Variants in MSH4 observed in about 807,000 individuals in gnomAD.
MSH4 encodes mutS homolog 4.
MSH4 carries 106 observed loss-of-function variants against 113.7 expected under a neutral mutation model. That is an observed-to-expected ratio of 0.93 (90% CI 0.80 to 1.10). The LOEUF is 1.10. Among genes scored for constraint, MSH4 ranks in the 50% least tolerant of loss-of-function variants. The probability of loss-of-function intolerance (pLI) is 0.00; values close to 1 mark genes in which losing one functional copy is unlikely to be tolerated. For missense variants in MSH4, 1,061 were observed against 1,093.7 expected, an observed-to-expected ratio of 0.97 and a Z score of 0.42; for synonymous variants, 368 against 380.2, an observed-to-expected ratio of 0.97 and a Z score of 0.37.
intron 9 of MSH4, among the ~76,000 whole-genome samples, chr1:75,875,498 A>AAAAAAAT (rs1651800257): frequency 6.6e-6 from 1 of 152,238 alleles, no homozygotes; most frequent in African/African-American, 2.4e-5. Context: ...TTTCTATGAC[A>AAAAAAAT]AAAACCATTA....
rs1176439392 is a variant in MSH4, at chr1:75,878,276, A to G, written c.1498A>G (p.Ile500Val). The G allele has an allele frequency of 6.2e-7, 1 of 1,604,376 alleles. No homozygotes were observed. Among genetic ancestry groups the G allele is most frequent in the Admixed American group, 1.8e-5 (1 of 56,866 alleles). ...VRSNINEFLD[I>V]ARRTYTEIVD... is the part of the protein sequence containing the mutation. ...GTCTAACATAAATGAATTTCTTGAC[A>G]TAGCAAGAAGAACATACACAGAGAT... The change falls in exon 11 of 20, where the codon ATA becomes GTA. Residue 500 changes from isoleucine to valine, a missense_variant. Transcript: ENST00000263187.
chr1:75,913,003 T>A lies in MSH4; in HGVS notation c.*116T>A. ...TTCATATTTTAATTGAAAATTACATTATATTAACATCACAATTGTCATCTA... is the reference window on the plus strand; with the variant it reads ...TTCATATTTTAATTGAAAATTACATAATATTAACATCACAATTGTCATCTA... On this transcript the variant is annotated 3_prime_UTR_variant, in exon 20 of 20. Transcript: ENST00000263187. 1.9e-6 allele frequency: 1 copy of A among 515,962 alleles called. No homozygotes were observed. The highest frequency in any genetic ancestry group is 3.2e-6 in the Non-Finnish European group (1 of 316,372). 32.0% of individuals were successfully genotyped at this position (515,962 alleles called of 1,614,324 possible). A position where few individuals can be genotyped will look rare whatever the true frequency, so the allele number is the denominator to read the frequency against.
At chr1:75,879,464 A>C (rs1351596251) in intron 12 of MSH4, among the ~76,000 whole-genome samples, 1 of 152,190 alleles carries the variant, frequency 6.6e-6, no homozygotes, top group Non-Finnish European at 1.5e-5. Context: ...GAAGTAAATA[A>C]ATCTACTTAA....
intron 19 of MSH4, among the ~76,000 whole-genome samples, chr1:75,903,865 C>T (rs913034743): frequency 6.6e-6 from 1 of 151,978 alleles, no homozygotes; most frequent in Non-Finnish European, 1.5e-5. Context: ...GTTTCTTTCT[C>T]TTGCTTAATT....
Position 75,913,000 on chromosome 1 carries a change from C to A in MSH4, c.*113C>A. On this transcript the variant is annotated 3_prime_UTR_variant, in exon 20 of 20. Coordinates refer to ENST00000263187, the MANE Select transcript of MSH4 (RefSeq NM_002440.4). ...AATTTCATATTTTAATTGAAAATTA[C>A]ATTATATTAACATCACAATTGTCAT... 1 of 544,526 alleles carries A rather than the reference C, an allele frequency of 1.8e-6. No homozygotes were observed. Among genetic ancestry groups the A allele is most frequent in the South Asian group, 4.8e-5 (1 of 21,052 alleles). 33.7% of individuals were successfully genotyped at this position (544,526 alleles called of 1,614,324 possible).
intron 1 of MSH4, among the ~76,000 whole-genome samples, chr1:75,799,610 A>C (rs906735565): frequency 8.5e-5 from 13 of 152,226 alleles, no homozygotes; most frequent in Non-Finnish European, 4.4e-5. Context: ...TCTTGAGAAA[A>C]ACACGTGCAA....
chr1:75,862,357 C>G (rs1651476034), intron 8 of MSH4, among the ~76,000 whole-genome samples: 2 of 152,220 alleles, frequency 1.3e-5, no homozygotes, highest in Non-Finnish European at 2.9e-5. Flanking sequence ...AATCACCCAT[C>G]TTCTGCGTCA....
chr1:75,896,739 T>C (rs886651065), intron 17 of MSH4, among the ~76,000 whole-genome samples: 1 of 152,188 alleles, frequency 6.6e-6, no homozygotes, highest in Admixed American at 6.6e-5. Flanking sequence ...AGATAGGGTC[T>C]GAATAATTAT....
intron 8 of MSH4, among the ~76,000 whole-genome samples, chr1:75,864,390 T>C (rs2100558790): frequency 6.6e-6 from 1 of 152,314 alleles, no homozygotes; most frequent in Middle Eastern, 3.4e-3. Flanking sequence ...AGGAGTGGAA[T>C]TGCTGGGTCA....
Position 75,883,815 on chromosome 1 carries a change from C to A in MSH4, c.2101C>A (p.Gln701Lys). 6.2e-7 allele frequency: 1 copy of A among 1,611,090 alleles called. No homozygotes were observed. Among genetic ancestry groups the A allele is most frequent in the South Asian group, 1.1e-5 (1 of 90,424 alleles). ...GATTGCTCTTTGTCAGATTATGGCC[C>A]AGATTGGTAAGTTATGGCTTTATTT... ...KQIALCQIMA[Q>K]IGSYVPAEYS... Residue 701 changes from glutamine (Q) to lysine (K), a missense_variant, in exon 15 of 20, where the codon CAG (glutamine) becomes AAG (lysine). Coordinates refer to ENST00000263187, the MANE Select transcript of MSH4 (RefSeq NM_002440.4).
At position 75,889,330 on chromosome 1, in the gene MSH4, C is replaced by G; in HGVS notation, c.2187C>G (p.Ile729Met). The G allele has an allele frequency of 6.6e-7, 1 of 1,518,934 alleles. No individual in the cohort carries two copies. Among genetic ancestry groups the G allele is most frequent in the Non-Finnish European group, 9.0e-7 (1 of 1,114,812 alleles). The allele number at this position is 1,518,934 out of a possible 1,614,324, so 94.1% of individuals were successfully genotyped here. The change falls in exon 16 of 20, where the codon ATC becomes ATG. Residue 729 changes from isoleucine to methionine, a missense_variant. Physicochemically the swap from Ile to Met is conservative, Grantham distance 10. Coordinates refer to ENST00000263187, the MANE Select transcript of MSH4 (RefSeq NM_002440.4). ...CAAGAATTAGTACTGATGATGATAT[C>G]GAAACAAATTCATCAACATTTATGA... is the stretch of plus-strand genomic sequence containing the variant. ...IFTRISTDDD[I>M]ETNSSTFMKE...
At chr1:75,850,846 T>C (rs1483928371) in intron 8 of MSH4, among the ~76,000 whole-genome samples, 2 of 152,198 alleles carry the variant, frequency 1.3e-5, no homozygotes, top group Non-Finnish European at 2.9e-5. Context: ...TTTTATCTAA[T>C]GTATTTGGAA....
intron 6 of MSH4, among the ~76,000 whole-genome samples, chr1:75,821,077 T>A (rs1357550538): frequency 1.3e-5 from 2 of 151,658 alleles, no homozygotes; most frequent in Admixed American, 6.6e-5. Context: ...TACAGAACTC[T>A]CCACCCCAAA....
At chr1:75,841,476 G>A (rs1650958878) in intron 7 of MSH4, among the ~76,000 whole-genome samples, 1 of 152,104 alleles carries the variant, frequency 6.6e-6, no homozygotes, top group Non-Finnish European at 1.5e-5. Flanking sequence ...GGGATTGCAG[G>A]CACAAGTCAC....
intron 19 of MSH4, among the ~76,000 whole-genome samples, chr1:75,910,911 AATCT>A (rs1652774325): frequency 1.3e-5 from 2 of 151,952 alleles, no homozygotes; most frequent in South Asian, 4.2e-4. Context: ...TCTCTCTCTC[AATCT>A]ATTTATATAC....
intron 9 of MSH4, among the ~76,000 whole-genome samples, chr1:75,874,232 GTC>G (rs1380947004): frequency 6.6e-6 from 1 of 152,106 alleles, no homozygotes; most frequent in East Asian, 1.9e-4. Context: ...TTAGAAAAGT[GTC>G]TGTTTTGCTT....
At chr1:75,895,280 C>T (rs1340694097) in intron 17 of MSH4, among the ~76,000 whole-genome samples, 2 of 152,108 alleles carry the variant, frequency 1.3e-5, no homozygotes, top group South Asian at 2.1e-4. Context: ...AATATGTCTG[C>T]AATACAGAAG....
chr1:75,881,771 TA>T (rs904176620), intron 14 of MSH4, among the ~76,000 whole-genome samples: 1 of 152,066 alleles, frequency 6.6e-6, no homozygotes, highest in African/African-American at 2.4e-5. Flanking sequence ...ACTAGCTCTT[TA>T]GATGTGAACA....
chr1:75,796,939 G>T lies in MSH4; in HGVS notation c.-47G>T. The stretch of plus-strand genomic sequence containing the variant: ...CTTCTGTAGTTGGGCTACTGGAGGG[G>T]TCGCTCAGAAACCTCATACTTCTCG... On this transcript the variant is annotated 5_prime_UTR_variant, in exon 1 of 20. Coordinates refer to ENST00000263187, the MANE Select transcript of MSH4 (RefSeq NM_002440.4). The T allele has an allele frequency of 6.2e-7, 1 of 1,607,550 alleles. No homozygotes were observed. The highest frequency in any genetic ancestry group is 8.5e-7 in the Non-Finnish European group (1 of 1,176,140).
Sources: gnomAD v4.1 joint callset for allele counts (sites outside exome capture counted in the v4.1 genomes callset) on GRCh38, gnomAD v4.1.1 for gene constraint, MANE v1.5 for transcripts, NCBI Gene and HGNC (gene_info 2026-07-23, HGNC 2026-07-21) for gene names.